Variants in RASSF2 observed in about 807,000 individuals in gnomAD.
RASSF2 encodes Ras association domain family member 2.
RASSF2 carries 34 observed loss-of-function variants against 46.3 expected under a neutral mutation model. The ratio of observed to expected loss-of-function variants is 0.73; its 90% confidence interval spans 0.56 to 0.98. RASSF2 has a LOEUF of 0.98. RASSF2 is among the 50% of genes least tolerant of loss of function. RASSF2 has a pLI of 0.00. For missense variants in RASSF2, 364 were observed against 431.2 expected, an observed-to-expected ratio of 0.84 and a Z score of 1.38; for synonymous variants, 158 against 162.5, an observed-to-expected ratio of 0.97 and a Z score of 0.21.
chr20:4,789,972 G>A (rs550244365), intron 7 of RASSF2, among the ~76,000 whole-genome samples: 2 of 152,268 alleles, frequency 1.3e-5, no homozygotes, highest in South Asian at 2.1e-4. Flanking sequence ...CCGGGGGTAG[G>A]ATTTGAACAA....
intron 2 of RASSF2, among the ~76,000 whole-genome samples, chr20:4,813,140 C>A (rs1172277948): frequency 6.6e-6 from 1 of 152,158 alleles, no homozygotes; most frequent in African/African-American, 2.4e-5. Flanking sequence ...CCCCGCAGAC[C>A]ATCCCCACCC....
At chr20:4,820,869 C>A (rs142446643) in intron 2 of RASSF2, among the ~76,000 whole-genome samples, 21 of 152,260 alleles carry the variant, frequency 1.4e-4, no homozygotes, top group South Asian at 4.1e-4. Flanking sequence ...CCTGACCCTG[C>A]CTTTCTGCCC....
chr20:4,782,732 G>A lies in RASSF2; in HGVS notation c.*1541C>T, dbSNP rs41279434. 695 of 152,438 alleles carry A rather than the reference G, an allele frequency of 4.6e-3. 2 individuals are homozygous for A. The highest frequency in any genetic ancestry group is 0.017 in the Middle Eastern group (5 of 294). The allele number at this position is 152,438 out of a possible 1,614,324, so 9.4% of individuals were successfully genotyped here. On this transcript the variant is annotated 3_prime_UTR_variant, in exon 12 of 12. Transcript: ENST00000379400. ...CCTTTGGAGGCACCAACCAGGGGCTGTCCTTTCCTCAACTGCCCAGCTCTG... is the reference window on the plus strand; with the variant it reads ...CCTTTGGAGGCACCAACCAGGGGCTATCCTTTCCTCAACTGCCCAGCTCTG...
intron 5 of RASSF2, among the ~76,000 whole-genome samples, chr20:4,793,751 A>G (rs139559698): frequency 1.3e-5 from 2 of 152,050 alleles, no homozygotes; most frequent in East Asian, 3.9e-4. Flanking sequence ...AAGTGCTGGG[A>G]TTATAGGCAC....
intron 3 of RASSF2, among the ~76,000 whole-genome samples, chr20:4,800,678 C>T (rs183994810): frequency 6.6e-6 from 1 of 151,588 alleles, no homozygotes; most frequent in Non-Finnish European, 1.5e-5. Context: ...CAGCCAACTC[C>T]TCCTCCTGGA....
At position 4,784,235 on chromosome 20, in the gene RASSF2, C is replaced by A. The variant is rs779239522; in HGVS notation, c.*38G>T. The A allele has an allele frequency of 1.3e-6, 2 of 1,578,894 alleles. No individual in the cohort carries two copies. Among genetic ancestry groups the A allele is most frequent in the Admixed American group, 1.7e-5 (1 of 59,934 alleles). ...TTCCTGGGGGTCTTATGGGCAATGGCGGTTCCTGGGGTGCCCAGATCCCCT... is the reference window on the plus strand; with the variant it reads ...TTCCTGGGGGTCTTATGGGCAATGGAGGTTCCTGGGGTGCCCAGATCCCCT... On this transcript the variant is annotated 3_prime_UTR_variant, in exon 12 of 12. Transcript: ENST00000379400.
chr20:4,816,512 C>T (rs916483920), intron 2 of RASSF2, among the ~76,000 whole-genome samples: 9 of 151,978 alleles, frequency 5.9e-5, no homozygotes, highest in East Asian at 3.9e-4. Context: ...TTTGGAACGA[C>T]GAAAAAGTTC....
chr20:4,808,760 C>A (rs930426831), intron 2 of RASSF2, among the ~76,000 whole-genome samples: 1 of 152,188 alleles, frequency 6.6e-6, no homozygotes, highest in South Asian at 2.1e-4. Flanking sequence ...GCTGTGATTA[C>A]AGGTGTGAGC....
At position 4,812,250 on chromosome 20, in the gene RASSF2, A is replaced by G. The variant is rs1317772516; in HGVS notation, c.-33+10079T>C. 1.3e-5 allele frequency among the ~76,000 whole-genome samples: 2 copies of G among 152,182 alleles called. No homozygotes were observed. Among genetic ancestry groups the G allele is most frequent in the African/African-American group, 4.8e-5 (2 of 41,438 alleles). ...GCCTTCTGCCTTCCTGCTTTATGGA[A>G]CAGAAGCCCCATCACTGCCTGGACT... is the stretch of plus-strand genomic sequence containing the variant. On this transcript the variant is annotated intron_variant, in intron 2 of 11. Transcript: ENST00000379400. This position sits in a 1 kb window ranked among gnomAD's most constrained non-coding sequence, Gnocchi z 4.0.
At chr20:4,811,798 G>C (rs946676692) in intron 2 of RASSF2, among the ~76,000 whole-genome samples, 1 of 152,160 alleles carries the variant, frequency 6.6e-6, no homozygotes, top group Non-Finnish European at 1.5e-5. Context: ...ACGCTCACTG[G>C]AGGCCTGTAG....
At chr20:4,793,779 C>T (rs552446201) in intron 5 of RASSF2, among the ~76,000 whole-genome samples, 53 of 152,292 alleles carry the variant, frequency 3.5e-4, no homozygotes, top group Admixed American at 1.9e-3. Flanking sequence ...CACGCACAGC[C>T]TCAGGATCCT....
intron 2 of RASSF2, among the ~76,000 whole-genome samples, chr20:4,801,491 G>A (rs1248334539): frequency 6.6e-6 from 1 of 152,172 alleles, no homozygotes; most frequent in African/African-American, 2.4e-5. Context: ...AGCCGAGTGC[G>A]AGAAATCACA....
chr20:4,814,910 A>T (rs1418443477), intron 2 of RASSF2, among the ~76,000 whole-genome samples: 2 of 152,216 alleles, frequency 1.3e-5, no homozygotes, highest in Non-Finnish European at 2.9e-5. Context: ...CAGCCCCATG[A>T]AAAGCAGAAC....
At chr20:4,809,697 A>G (rs73588977) in intron 2 of RASSF2, among the ~76,000 whole-genome samples, 3,342 of 152,274 alleles carry the variant, frequency 0.022, 113 homozygotes, top group African/African-American at 0.076. Flanking sequence ...CAGAGCCTGA[A>G]AGAAAGCATG....
At chr20:4,787,497 G>T in intron 10 of RASSF2, 136 bp downstream of exon 10, 2 of 1,085,010 alleles carry the variant, frequency 1.8e-6, no homozygotes, top group Non-Finnish European at 2.7e-6. Flanking sequence ...AGCTGGCTTC[G>T]AGAGAACCTG....
intron 8 of RASSF2, 101 bp downstream of exon 8, chr20:4,789,495 C>A (rs1925671242): frequency 3.0e-6 from 3 of 987,912 alleles, no homozygotes; most frequent in East Asian, 5.0e-5. Flanking sequence ...GCTCAGCATC[C>A]CACAAAACAC....
At chr20:4,808,269 A>G (rs960988794) in intron 2 of RASSF2, among the ~76,000 whole-genome samples, 10 of 152,086 alleles carry the variant, frequency 6.6e-5, no homozygotes, top group African/African-American at 2.4e-4. Flanking sequence ...TGCCTTTAAG[A>G]ACCATTTACG....
intron 2 of RASSF2, among the ~76,000 whole-genome samples, chr20:4,801,855 C>T (rs1327854008): frequency 6.6e-6 from 1 of 152,104 alleles, no homozygotes; most frequent in African/African-American, 2.4e-5. Flanking sequence ...TCTCTTGCCT[C>T]AGCTTCCCAA....
At chr20:4,821,276 C>G (rs538883162) in intron 2 of RASSF2, among the ~76,000 whole-genome samples, 2 of 152,272 alleles carry the variant, frequency 1.3e-5, no homozygotes, top group African/African-American at 4.8e-5. Flanking sequence ...AACCTCCAAA[C>G]AGAAGCCATG....
Sources: allele counts gnomAD v4.1 joint callset (sites outside exome capture counted in the v4.1 genomes callset), GRCh38; gene constraint gnomAD v4.1.1; non-coding constraint Gnocchi (gnomAD v3.1); transcripts MANE v1.5; gene names NCBI Gene and HGNC (gene_info 2026-07-23, HGNC 2026-07-21).